KIFAP3: variants seen among roughly 807,000 people sequenced by gnomAD.
The protein encoded by KIFAP3 is kinesin associated protein 3.
KIFAP3 carries 68 observed loss-of-function variants against 106.5 expected under a neutral mutation model. The observed-to-expected ratio is 0.64, with a 90% CI of 0.53 to 0.78. The LOEUF (loss-of-function observed/expected upper bound fraction) is 0.78, where lower values mean the gene tolerates loss of function less well. Ranked by LOEUF, KIFAP3 falls within the 30% of genes least tolerant of loss-of-function variation. The pLI, the probability that KIFAP3 is intolerant of heterozygous loss-of-function variation, is 0.00. For missense variants in KIFAP3, 780 were observed against 941.8 expected (o/e 0.83, Z 2.25); for synonymous variants, 320 against 311.5 (o/e 1.03, Z -0.29).
intron 11 of KIFAP3, among the ~76,000 whole-genome samples, chr1:169,988,352 TGAA>T (rs1030891980): frequency 3.9e-5 from 6 of 152,066 alleles, no homozygotes; most frequent in Admixed American, 2.0e-4. Flanking sequence ...ATGTAATTAA[TGAA>T]GATGACTATA....
At chr1:169,970,694 ACTCCT>A (rs1404770550) in intron 17 of KIFAP3, among the ~76,000 whole-genome samples, 1 of 151,780 alleles carries the variant, frequency 6.6e-6, no homozygotes, top group African/African-American at 2.4e-5. Flanking sequence ...GACATCATCC[ACTCCT>A]CTCCTAAGCA....
At chr1:170,075,956 A>G (rs1369797065), upstream of KIFAP3, among the ~76,000 whole-genome samples, 3 of 152,206 alleles carry the variant, frequency 2.0e-5, no homozygotes, top group Non-Finnish European at 4.4e-5. Context: ...CTAATGTAAA[A>G]TTTTACAAAT....
At chr1:170,053,833 A>G (rs1670702809) in intron 2 of KIFAP3, among the ~76,000 whole-genome samples, 1 of 152,232 alleles carries the variant, frequency 6.6e-6, no homozygotes, top group Non-Finnish European at 1.5e-5. Context: ...ACCTTATCCA[A>G]ATGTTAACCC....
intron 7 of KIFAP3, among the ~76,000 whole-genome samples, chr1:170,033,948 A>G (rs1158671009): frequency 2.6e-5 from 4 of 151,830 alleles, no homozygotes; most frequent in Non-Finnish European, 5.9e-5. Flanking sequence ...TCCTAGAAAA[A>G]TAGAACCTTT....
At chr1:169,971,140 A>C (rs1358393819) in intron 17 of KIFAP3, among the ~76,000 whole-genome samples, 1 of 152,020 alleles carries the variant, frequency 6.6e-6, no homozygotes, top group African/African-American at 2.4e-5. Context: ...TTAATCTGTA[A>C]ATCTAAACAT....
chr1:169,995,720 A>C (rs1667335745), intron 10 of KIFAP3, among the ~76,000 whole-genome samples: 1 of 152,140 alleles, frequency 6.6e-6, no homozygotes, highest in Admixed American at 6.6e-5. Context: ...AAAAATTCTA[A>C]AAAGCAATGT....
intron 10 of KIFAP3, among the ~76,000 whole-genome samples, chr1:170,008,099 A>G (rs769945779): frequency 6.6e-6 from 1 of 151,650 alleles, no homozygotes; most frequent in Non-Finnish European, 1.5e-5. Context: ...CCTTCCTTAC[A>G]CCTTATACAA....
At chr1:169,970,569 T>C (rs1015467735) in intron 17 of KIFAP3, among the ~76,000 whole-genome samples, 1 of 152,094 alleles carries the variant, frequency 6.6e-6, no homozygotes, top group African/African-American at 2.4e-5. Flanking sequence ...TAAATTGCTT[T>C]AAGCTACAAA....
At chr1:170,012,886 T>C (rs1450567080) in intron 10 of KIFAP3, among the ~76,000 whole-genome samples, 1 of 152,110 alleles carries the variant, frequency 6.6e-6, no homozygotes, top group Admixed American at 6.6e-5. Flanking sequence ...ACATCAGATC[T>C]GGTGAGACTT....
At chr1:170,059,902 C>T (rs1184506166) in intron 1 of KIFAP3, among the ~76,000 whole-genome samples, 2 of 152,118 alleles carry the variant, frequency 1.3e-5, no homozygotes, top group Non-Finnish European at 1.5e-5. Flanking sequence ...ATAAACATAA[C>T]CAATGACAAA....
chr1:170,005,420 C>T (rs1447528869), intron 10 of KIFAP3, among the ~76,000 whole-genome samples: 3 of 151,852 alleles, frequency 2.0e-5, no homozygotes, highest in East Asian at 3.9e-4. Flanking sequence ...ATGTTTATTG[C>T]GGCACTATTC....
intron 2 of KIFAP3, among the ~76,000 whole-genome samples, chr1:170,049,700 C>G (rs1278151646): frequency 6.6e-6 from 1 of 152,214 alleles, no homozygotes; most frequent in Non-Finnish European, 1.5e-5. Flanking sequence ...AGGACGGGGT[C>G]TGGAGTGGAA....
intron 17 of KIFAP3, among the ~76,000 whole-genome samples, chr1:169,961,576 C>A (rs919238924): frequency 2.0e-5 from 3 of 151,990 alleles, no homozygotes; most frequent in African/African-American, 7.2e-5. Context: ...TTAAAGTTGA[C>A]CTTAGAACAA....
At chr1:170,035,928 T>A (rs1336419973) in intron 5 of KIFAP3, among the ~76,000 whole-genome samples, 2 of 151,974 alleles carry the variant, frequency 1.3e-5, no homozygotes, top group East Asian at 3.8e-4. Flanking sequence ...TCTGATTTAA[T>A]GTATTTGATA....
rs1275666757 is a variant in KIFAP3, at chr1:169,922,322, CA to C, written c.2274-542del. Among the ~76,000 whole-genome samples the C allele has an allele frequency of 2.6e-5, 4 of 152,128 alleles. No homozygotes were observed. The East Asian group carries it at 7.7e-4, about 29-fold the overall frequency. On this transcript the variant is annotated intron_variant, in intron 19 of 19. Transcript: ENST00000361580. The stretch of plus-strand genomic sequence containing the variant: ...TAAAAGAACAAGATAAGGAATTTGA[CA>C]AAATTTGAAAATTAGTCAGATTTGA...
At chr1:169,959,914 C>T (rs1207338293) in intron 18 of KIFAP3, among the ~76,000 whole-genome samples, 10 of 152,060 alleles carry the variant, frequency 6.6e-5, no homozygotes, top group African/African-American at 2.4e-5. Flanking sequence ...GTTTGAAACA[C>T]AAAGCAGCAT....
intron 12 of KIFAP3, among the ~76,000 whole-genome samples, chr1:169,983,968 T>A (rs1297314049): frequency 1.3e-5 from 2 of 150,894 alleles, no homozygotes; most frequent in Non-Finnish European, 3.0e-5. Flanking sequence ...TAAAAACACT[T>A]AATCACATAA....
rs529892245 is a variant in KIFAP3, at chr1:169,933,802, T to C, written c.2274-12021A>G. On this transcript the variant is annotated intron_variant, in intron 19 of 19. Transcript: ENST00000361580. ...CACCCAAACTAACTTAAGTACAAAC[T>C]ATGAACTTATCAATAACTCCTAAAT... 3.3e-5 allele frequency among the ~76,000 whole-genome samples: 5 copies of C among 152,242 alleles called. No homozygotes were observed. The East Asian group carries it at 9.6e-4, about 29-fold the overall frequency.
At chr1:170,082,691 G>A (rs1369472995) in intron 1 of KIFAP3, among the ~76,000 whole-genome samples, 2 of 152,150 alleles carry the variant, frequency 1.3e-5, no homozygotes, top group African/African-American at 4.8e-5. Context: ...AAACACAGTT[G>A]GCCGGGCATG....
Sources: allele counts gnomAD v4.1 joint callset (sites outside exome capture counted in the v4.1 genomes callset), GRCh38; gene constraint gnomAD v4.1.1; transcripts MANE v1.5; gene names NCBI Gene and HGNC (gene_info 2026-07-23, HGNC 2026-07-21).